Variants in LARGE1 observed in about 807,000 individuals in gnomAD.
The protein encoded by LARGE1 is LARGE xylosyl- and glucuronyltransferase 1, also known as xylosyl- and glucuronyltransferase LARGE1.
LARGE1 carries 43 observed loss-of-function variants against 87.6 expected under a neutral mutation model. That is an observed-to-expected ratio of 0.49 (90% CI 0.38 to 0.63). LARGE1 has a LOEUF of 0.63. LARGE1 is among the 30% of genes least tolerant of loss of function. The pLI, the probability that LARGE1 is intolerant of heterozygous loss-of-function variation, is 0.00. For synonymous variants in LARGE1, 434 were observed against 394.6 expected (o/e 1.10, Z -1.18); for missense variants, 802 against 1,000.2 (o/e 0.80, Z 2.67).
intron 3 of LARGE1, among the ~76,000 whole-genome samples, chr22:33,644,135 T>C (rs915002703): frequency 1.3e-5 from 2 of 152,190 alleles, no homozygotes; most frequent in Non-Finnish European, 2.9e-5. Flanking sequence ...CCAATATCCC[T>C]GATGAACATC....
At chr22:33,195,562 T>C (rs1924019765) in intron 11 of LARGE1, among the ~76,000 whole-genome samples, 1 of 151,956 alleles carries the variant, frequency 6.6e-6, no homozygotes, top group African/African-American at 2.4e-5. Flanking sequence ...CATTAAATTA[T>C]AGATTTACAA....
intron 2 of LARGE1, chr22:33,744,316 G>A (rs1010111688): frequency 2.0e-5 from 3 of 152,176 alleles, no homozygotes; most frequent in Non-Finnish European, 4.4e-5. Context: ...ACAAGCCCAC[G>A]GTCACCCAGC....
At chr22:33,264,889 C>CTTTTTTTTTTTTTT (rs200074908) in intron 11 of LARGE1, among the ~76,000 whole-genome samples, 1 of 74,374 alleles carries the variant, frequency 1.3e-5, no homozygotes, top group Non-Finnish European at 2.3e-5. Context: ...TGATCAAATT[C>CTTTTTTTTTTTTTT]TTTTTTTTTT....
chr22:33,114,791 G>A, the LARGE1 span, among the ~76,000 whole-genome samples: 17 of 152,120 alleles, frequency 1.1e-4, no homozygotes, highest in African/African-American at 4.1e-4. Context: ...CTCATAGAGT[G>A]GTAGTGAGGA....
intron 2 of LARGE1, among the ~76,000 whole-genome samples, chr22:33,692,396 C>T (rs759037575): frequency 6.6e-6 from 1 of 152,196 alleles, no homozygotes; most frequent in Non-Finnish European, 1.5e-5. Context: ...CTGCAACCTC[C>T]ACCTCCCAGG....
At chr22:33,705,328 T>C (rs2149383746) in intron 2 of LARGE1, among the ~76,000 whole-genome samples, 1 of 152,328 alleles carries the variant, frequency 6.6e-6, no homozygotes, top group South Asian at 2.1e-4. Flanking sequence ...GAGACAGTAT[T>C]TCCCTGAAAA....
intron 10 of LARGE1, among the ~76,000 whole-genome samples, chr22:33,331,496 C>T (rs1246722065): frequency 6.6e-6 from 1 of 151,198 alleles, no homozygotes; most frequent in Non-Finnish European, 1.5e-5. Flanking sequence ...CATCCTCTGC[C>T]TCCCAGGTTC....
At chr22:33,788,752 A>G (rs1407726561) in intron 1 of LARGE1, among the ~76,000 whole-genome samples, 2 of 152,174 alleles carry the variant, frequency 1.3e-5, no homozygotes, top group Admixed American at 1.3e-4. Flanking sequence ...GAGAGAGAAG[A>G]TTGAGAGAGA....
chr22:33,921,921 G>A (rs559503026), upstream of LARGE1, among the ~76,000 whole-genome samples: 2 of 152,164 alleles, frequency 1.3e-5, no homozygotes, highest in South Asian at 4.1e-4. This position sits in a 1 kb window ranked among gnomAD's most constrained non-coding sequence, Gnocchi z 4.1. Context: ...CCCAGAGGAG[G>A]CGAAAGCAGA....
At chr22:33,095,991 C>G in the LARGE1 span, among the ~76,000 whole-genome samples, 2 of 152,180 alleles carry the variant, frequency 1.3e-5, no homozygotes, top group Non-Finnish European at 2.9e-5. Context: ...GGATCCTGCT[C>G]CCACTTGACA....
At position 33,883,730 on chromosome 22, in the gene LARGE1, A is replaced by G. The variant is rs532540243; in HGVS notation, c.-83+36265T>C. On this transcript the variant is annotated intron_variant, in intron 1 of 14. Coordinates refer to ENST00000397394, the MANE Select transcript of LARGE1 (RefSeq NM_133642.5). ...GCATGGGCCTCGGCTCTTTCCCCAG[A>G]AAGCCCCATGACTCATTCCTTCACC... 7.9e-5 allele frequency among the ~76,000 whole-genome samples: 12 copies of G among 152,292 alleles called. No individual in the cohort carries two copies. The South Asian group carries it at 2.5e-3, about 32-fold the overall frequency.
chr22:33,759,657 C>CATT (rs2084652668), intron 2 of LARGE1, among the ~76,000 whole-genome samples: 1 of 152,056 alleles, frequency 6.6e-6, no homozygotes, highest in Admixed American at 6.6e-5. Flanking sequence ...CTTGTTATAC[C>CATT]ATTATTATTA....
intron 11 of LARGE1, among the ~76,000 whole-genome samples, chr22:33,174,907 A>G (rs1041893593): frequency 1.3e-5 from 2 of 152,226 alleles, no homozygotes; most frequent in Non-Finnish European, 2.9e-5. Flanking sequence ...AGAGGTACAA[A>G]GAGGAGCTGG....
intron 6 of LARGE1, among the ~76,000 whole-genome samples, chr22:33,446,077 G>A (rs1363487913): frequency 6.6e-6 from 1 of 152,220 alleles, no homozygotes; most frequent in Non-Finnish European, 1.5e-5. Flanking sequence ...AGGCGGCAGT[G>A]GCTGGAGACT....
chr22:33,430,799 T>G (rs1387601623), intron 7 of LARGE1, among the ~76,000 whole-genome samples: 1 of 152,180 alleles, frequency 6.6e-6, no homozygotes, highest in East Asian at 1.9e-4. Flanking sequence ...GAAGCTTGAC[T>G]CATGTCCCTT....
At chr22:33,172,203 T>C (rs1026636172) in intron 11 of LARGE1, among the ~76,000 whole-genome samples, 4 of 152,252 alleles carry the variant, frequency 2.6e-5, no homozygotes, top group African/African-American at 7.2e-5. Flanking sequence ...CCAATGCCTG[T>C]ACCCCCATTG....
the LARGE1 span, among the ~76,000 whole-genome samples, chr22:33,071,492 T>G: frequency 8.9e-4 from 135 of 152,326 alleles, 4 homozygotes; most frequent in Middle Eastern, 3.4e-3. Flanking sequence ...TGTCGATCAC[T>G]GTATCCCAGT....
chr22:33,868,400 A>G (rs1196114365), intron 1 of LARGE1, among the ~76,000 whole-genome samples: 1 of 152,144 alleles, frequency 6.6e-6, no homozygotes, highest in African/African-American at 2.4e-5. Context: ...AGACGAGATG[A>G]TGTCTAAGGG....
downstream of LARGE1, among the ~76,000 whole-genome samples, chr22:33,268,774 G>C (rs1928093185): frequency 6.6e-6 from 1 of 152,106 alleles, no homozygotes; most frequent in South Asian, 2.1e-4. Context: ...CACTTTCATT[G>C]TCTGGTAATA....
Sources: allele counts gnomAD v4.1 joint callset (sites outside exome capture counted in the v4.1 genomes callset), GRCh38; gene constraint gnomAD v4.1.1; non-coding constraint Gnocchi (gnomAD v3.1); transcripts MANE v1.5; gene names NCBI Gene and HGNC (gene_info 2026-07-23, HGNC 2026-07-21).